Variants in NRXN3 observed in about 807,000 individuals in gnomAD.
The protein encoded by NRXN3 is neurexin 3, also known as neurexin III.
NRXN3 carries 32 observed loss-of-function variants against 137.6 expected under a neutral mutation model. That is an observed-to-expected ratio of 0.23 (90% confidence interval 0.18 to 0.31). The LOEUF is 0.31. Among genes scored for constraint, NRXN3 ranks in the 10% least tolerant of loss-of-function variants. NRXN3 has a pLI of 1.00. For missense variants in NRXN3, 1,574 were observed against 2,062.5 expected (o/e 0.76, Z 4.59); for synonymous variants, 798 against 784.5 (o/e 1.02, Z -0.29).
At chr14:78,462,587 T>G (rs1172172137) in intron 4 of NRXN3, among the ~76,000 whole-genome samples, 13 of 152,224 alleles carry the variant, frequency 8.5e-5, no homozygotes, top group Admixed American at 8.5e-4. Flanking sequence ...ATCAGACATC[T>G]TAATTTATTT....
intron 4 of NRXN3, among the ~76,000 whole-genome samples, chr14:78,446,765 C>T (rs544865197): frequency 2.6e-5 from 4 of 152,192 alleles, no homozygotes; most frequent in Non-Finnish European, 2.9e-5. Context: ...GGTTAAAGAT[C>T]GCATTTGCCT....
chr14:79,443,875 C>G (rs2096010074), intron 15 of NRXN3, among the ~76,000 whole-genome samples: 1 of 152,146 alleles, frequency 6.6e-6, no homozygotes, highest in Non-Finnish European at 1.5e-5. Flanking sequence ...AATACTTCCC[C>G]ACTGGTTTTT....
At chr14:78,885,815 CA>C (rs1741775473) in intron 10 of NRXN3, among the ~76,000 whole-genome samples, 1 of 151,954 alleles carries the variant, frequency 6.6e-6, no homozygotes, top group African/African-American at 2.4e-5. Context: ...GCTAATAAAC[CA>C]CCCTCCTAAA....
intron 15 of NRXN3, among the ~76,000 whole-genome samples, chr14:79,260,279 A>T (rs2077399827): frequency 6.6e-6 from 1 of 152,204 alleles, no homozygotes; most frequent in African/African-American, 2.4e-5. Flanking sequence ...ATTCTATTTT[A>T]TAAGACTCTA....
rs1310852766 is a variant in NRXN3, at chr14:79,284,362, ATATATATATATATATATATATATG to A, written c.3263-182855_3263-182832del. The stretch of plus-strand genomic sequence containing the variant: ...AAAATACATATATATATATATATAT[ATATATATATATATATATATATATG>A]TATCTCCAATGTACATCTGCCTAAA... On this transcript the variant is annotated intron_variant, in intron 15 of 20. Coordinates refer to ENST00000335750, the MANE Select transcript of NRXN3 (RefSeq NM_001330195.2). Among the ~76,000 whole-genome samples the A allele has an allele frequency of 1.0e-3, 118 of 115,012 alleles. 1 individual carries two copies. The highest frequency in any genetic ancestry group is 4.3e-3 in the African/African-American group (101 of 23,512). 75.5% of individuals were successfully genotyped at this position (115,012 alleles called of 152,430 possible).
At chr14:78,839,731 C>T (rs1001243621) in intron 10 of NRXN3, among the ~76,000 whole-genome samples, 3 of 152,220 alleles carry the variant, frequency 2.0e-5, no homozygotes, top group African/African-American at 7.2e-5. Context: ...TGCTGACCAA[C>T]CTTGTCACTC....
chr14:79,665,346 T>A (rs1292552647), intron 17 of NRXN3, among the ~76,000 whole-genome samples: 1 of 152,144 alleles, frequency 6.6e-6, no homozygotes, highest in Non-Finnish European at 1.5e-5. Flanking sequence ...ATTTCTTAGA[T>A]TAAGGCACAT....
rs146608096 is a variant in NRXN3 at position 79,143,178 on chromosome 14, G to A, written c.3262+155037G>A. ...TTCTCATTCATCCTTTGCAAACCCAGCACCCTGATTCCCAACAGGGTAGAA... is the reference window on the plus strand; with the variant it reads ...TTCTCATTCATCCTTTGCAAACCCAACACCCTGATTCCCAACAGGGTAGAA... On this transcript the variant is annotated intron_variant, in intron 15 of 20. Transcript: ENST00000335750. Among the ~76,000 whole-genome samples the A allele has an allele frequency of 2.0e-4, 31 of 152,256 alleles. No homozygotes were observed. In the East Asian group the frequency reaches 5.6e-3, roughly 27 times the overall value.
At chr14:79,649,482 A>C (rs2098466070) in intron 16 of NRXN3, among the ~76,000 whole-genome samples, 1 of 152,192 alleles carries the variant, frequency 6.6e-6, no homozygotes, top group Admixed American at 6.5e-5. Context: ...TTATCAAGGA[A>C]ATATTTGCTA....
chr14:78,465,815 G>A (rs1057156705), intron 4 of NRXN3, among the ~76,000 whole-genome samples: 1 of 148,890 alleles, frequency 6.7e-6, no homozygotes, highest in African/African-American at 2.5e-5. Context: ...TTACAGGCGT[G>A]AGCCACCGCG....
rs569510207 is a variant in NRXN3 at position 79,821,269 on chromosome 14, T to A, written c.4093+16079T>A. ...CCATGTGGCTAGTTGGTTTGTTTAC[T>A]TGTTTGTTTACACTTACTCATTACT... On this transcript the variant is annotated intron_variant, in intron 20 of 20. Transcript: ENST00000335750. Among the ~76,000 whole-genome samples the A allele has an allele frequency of 2.6e-4, 39 of 152,310 alleles. 1 individual carries two copies. In the South Asian group the frequency reaches 7.7e-3, roughly 30 times the overall value.
At chr14:78,655,067 A>T (rs1430117693) in intron 6 of NRXN3, among the ~76,000 whole-genome samples, 1 of 152,170 alleles carries the variant, frequency 6.6e-6, no homozygotes, top group Non-Finnish European at 1.5e-5. Flanking sequence ...AGAAAAGGCT[A>T]TGAGGGAGAC....
intron 4 of NRXN3, among the ~76,000 whole-genome samples, chr14:78,419,457 G>A (rs10136254): frequency 0.42 from 63,834 of 151,708 alleles, 13,718 homozygotes; most frequent in Middle Eastern, 0.58. Flanking sequence ...CAGGCTTCTC[G>A]GCCTCCCTGA....
chr14:79,802,700 C>T (rs565266643), intron 19 of NRXN3, among the ~76,000 whole-genome samples: 1 of 152,284 alleles, frequency 6.6e-6, no homozygotes, highest in Non-Finnish European at 1.5e-5. Context: ...CAGCTCCTTT[C>T]CCTAAGTAAC....
intron 4 of NRXN3, among the ~76,000 whole-genome samples, chr14:78,596,842 A>T (rs142293889): frequency 6.6e-6 from 1 of 152,252 alleles, no homozygotes; most frequent in Non-Finnish European, 1.5e-5. Context: ...TCCTCCTCCC[A>T]CCCCTGCCAG....
intron 15 of NRXN3, among the ~76,000 whole-genome samples, chr14:79,451,062 G>A (rs1299796398): frequency 1.4e-4 from 21 of 151,668 alleles, no homozygotes; most frequent in Admixed American, 1.4e-3. Flanking sequence ...AGGGCCTCAG[G>A]ATTTGCATCT....
rs528773861 is a variant in NRXN3, at chr14:78,664,736, C to G, written c.1221+13410C>G. Among the ~76,000 whole-genome samples, 25 of 152,320 alleles carry G rather than the reference C, an allele frequency of 1.6e-4. 1 individual carries two copies. The South Asian group carries it at 5.0e-3, about 30-fold the overall frequency. On this transcript the variant is annotated intron_variant, in intron 6 of 20. Coordinates refer to ENST00000335750, the MANE Select transcript of NRXN3 (RefSeq NM_001330195.2). Reference sequence around the variant, plus strand: ...TTATTATAGTCCTCATCACATTGCACTTTAACATGCACTGTGTTCATATGT... The same window carrying G: ...TTATTATAGTCCTCATCACATTGCAGTTTAACATGCACTGTGTTCATATGT...
chr14:79,026,189 A>G (rs1056378405), intron 15 of NRXN3, among the ~76,000 whole-genome samples: 1 of 152,168 alleles, frequency 6.6e-6, no homozygotes, highest in Admixed American at 6.6e-5. Context: ...TAATGAATAG[A>G]TTTTTATATT....
chr14:78,452,651 C>T (rs181175334), intron 4 of NRXN3, among the ~76,000 whole-genome samples: 1 of 152,200 alleles, frequency 6.6e-6, no homozygotes, highest in Admixed American at 6.5e-5. Context: ...AAGGTGAGAG[C>T]TTGTTTAATT....
Sources: allele counts gnomAD v4.1 joint callset (sites outside exome capture counted in the v4.1 genomes callset), GRCh38; gene constraint gnomAD v4.1.1; transcripts MANE v1.5; gene names NCBI Gene and HGNC (gene_info 2026-07-23, HGNC 2026-07-21).